The following AKAP3 variants were observed in gnomAD, a reference collection of about 807,000 sequenced individuals.
AKAP3 encodes A-kinase anchoring protein 3, also known as A-kinase anchor protein 3.
A neutral mutation model predicts 57.2 loss-of-function variants in AKAP3; 27 were observed. The ratio of observed to expected loss-of-function variants is 0.47; its 90% CI spans 0.35 to 0.65. AKAP3 has a LOEUF of 0.65. Ranked by LOEUF, AKAP3 falls within the 30% of genes least tolerant of loss-of-function variation. The pLI is 0.01. For synonymous variants in AKAP3, 334 were observed against 392.3 expected, an observed-to-expected ratio of 0.85 and a Z score of 1.76; for missense variants, 959 against 1,040.0, an observed-to-expected ratio of 0.92 and a Z score of 1.07.
chr12:4,648,321 G>C (rs745319899), intron 1 of AKAP3: 1 of 152,178 alleles, frequency 6.6e-6, no homozygotes, highest in Admixed American at 6.5e-5. Context: ...TAATATTTCA[G>C]GAAGTTCACA....
chr12:4,641,683 G>T (rs2137449441), intron 3 of AKAP3, among the ~76,000 whole-genome samples: 1 of 152,256 alleles, frequency 6.6e-6, no homozygotes, highest in African/African-American at 2.4e-5. Flanking sequence ...CCAAAGAATT[G>T]GAAGACTTGG....
In AKAP3 at chr12:4,627,822, T is replaced by C. The variant is rs369154577; in HGVS notation, c.1080A>G (p.Arg360=). Residue 360 remains arginine, a synonymous_variant, in exon 5 of 6, where the codon AGA becomes AGG. Transcript: ENST00000228850. ...TTTGGCTTCCATGAGAGAAGACAGTTCTTTTCACAGCCGAGACAAACTGTG... is the reference window on the plus strand; with the variant it reads ...TTTGGCTTCCATGAGAGAAGACAGTCCTTTTCACAGCCGAGACAAACTGTG... The part of the protein sequence containing the change: ...TDTQFVSAVK[R]TVFSHGSQKA... The C allele has an allele frequency of 1.5e-5, 25 of 1,614,048 alleles. No homozygotes were observed. The highest frequency in any genetic ancestry group is 1.9e-5 in the Non-Finnish European group (23 of 1,180,038).
At chr12:4,638,077 G>GT in intron 4 of AKAP3, 24 bp downstream of exon 4, 1 of 1,553,354 alleles carries the variant, frequency 6.4e-7, no homozygotes, top group Admixed American at 1.7e-5. Context: ...TTAACCTAGT[G>GT]TTTATCAAGA....
intron 4 of AKAP3, among the ~76,000 whole-genome samples, chr12:4,633,965 A>G (rs1228686089): frequency 8.3e-6 from 1 of 120,706 alleles, no homozygotes; most frequent in African/African-American, 4.0e-5. Context: ...TGACATATCT[A>G]TATTCTTTTT....
chr12:4,625,963 G>A lies in AKAP3; in HGVS notation c.2406+533C>T, dbSNP rs922520314. 6.6e-6 allele frequency among the ~76,000 whole-genome samples: 1 copy of A among 152,050 alleles called. No homozygotes were observed. Among genetic ancestry groups the A allele is most frequent in the African/African-American group, 2.4e-5 (1 of 41,398 alleles). Reference sequence around the variant, plus strand: ...GATTTCCCATCTACCTTATGCTTTAGTCTTACTTGTCAACTGATTCAGAGC... The same window carrying A: ...GATTTCCCATCTACCTTATGCTTTAATCTTACTTGTCAACTGATTCAGAGC... On this transcript the variant is annotated intron_variant, in intron 5 of 5. Coordinates refer to ENST00000228850, the MANE Select transcript of AKAP3 (RefSeq NM_001278309.2). The surrounding 1 kb of genome is among the most constrained non-coding windows in gnomAD (Gnocchi z 5.4).
intron 4 of AKAP3, among the ~76,000 whole-genome samples, chr12:4,630,539 G>A (rs977368297): frequency 2.6e-5 from 4 of 152,298 alleles, no homozygotes; most frequent in East Asian, 1.9e-4. Context: ...TTATCATGTC[G>A]GAGTTAAGAT....
intron 4 of AKAP3, among the ~76,000 whole-genome samples, chr12:4,636,948 G>C (rs1329571540): frequency 1.3e-5 from 2 of 151,926 alleles, no homozygotes; most frequent in African/African-American, 2.4e-5. Flanking sequence ...GTTTTGCCGT[G>C]TTGCCTGGGC....
chr12:4,617,169 T>C (rs1426041339), intron 5 of AKAP3, among the ~76,000 whole-genome samples: 2 of 152,160 alleles, frequency 1.3e-5, no homozygotes, highest in African/African-American at 2.4e-5. Context: ...CAGAAGAAAG[T>C]GTCACGTCTT....
chr12:4,641,743 A>C (rs77425851), intron 3 of AKAP3, among the ~76,000 whole-genome samples, 156 bp downstream of exon 3: 3,474 of 152,318 alleles, frequency 0.023, 50 homozygotes, highest in Non-Finnish European at 0.027. Flanking sequence ...CCAGAAACAC[A>C]ATCTCTTAAT....
chr12:4,618,525 G>A (rs1250115545), intron 5 of AKAP3, among the ~76,000 whole-genome samples: 5 of 152,170 alleles, frequency 3.3e-5, no homozygotes, highest in Non-Finnish European at 7.3e-5. Context: ...GCAAAAACAA[G>A]GAGAAAATCT....
At chr12:4,621,728 C>T (rs1945350138) in intron 5 of AKAP3, among the ~76,000 whole-genome samples, 1 of 152,048 alleles carries the variant, frequency 6.6e-6, no homozygotes, top group African/African-American at 2.4e-5. Context: ...AGAGCATATC[C>T]CCATGACTAA....
chr12:4,627,259 C>T lies in AKAP3; in HGVS notation c.1643G>A (p.Arg548Gln), dbSNP rs1203259746. Residue 548 changes from arginine (R) to glutamine (Q), a missense_variant, in exon 5 of 6, where the codon CGG becomes CAG. By Grantham distance (43) the Arg-to-Gln change is conservative. Coordinates refer to ENST00000228850, the MANE Select transcript of AKAP3 (RefSeq NM_001278309.2). ...GGTGCCAGCAGCTTCAACGAAGCTC[C>T]GTGCATCCCTTCTTCCTCCCTGGGC... ...HLAQGGRRDA[R>Q]SFVEAAGTTN... 15 of 1,613,960 alleles carry T rather than the reference C, an allele frequency of 9.3e-6. No homozygotes were observed. The highest frequency in any genetic ancestry group is 1.7e-4 in the Middle Eastern group (1 of 6,060).
At chr12:4,642,559 C>A (rs527611497) in intron 2 of AKAP3, among the ~76,000 whole-genome samples, 2 of 152,320 alleles carry the variant, frequency 1.3e-5, no homozygotes, top group South Asian at 2.1e-4. Flanking sequence ...CCCAGCCCCC[C>A]AGTAATGGCT....
At chr12:4,647,073 G>A (rs924905069) in intron 1 of AKAP3, among the ~76,000 whole-genome samples, 4 of 151,998 alleles carry the variant, frequency 2.6e-5, no homozygotes, top group East Asian at 3.9e-4. Context: ...ATGAGCCACC[G>A]CACCTGGCCT....
chr12:4,634,570 T>C (rs1945540688), intron 4 of AKAP3, among the ~76,000 whole-genome samples: 1 of 152,178 alleles, frequency 6.6e-6, no homozygotes, highest in African/African-American at 2.4e-5. Context: ...ACAAAACCTA[T>C]GTAATGGCCA....
intron 3 of AKAP3, among the ~76,000 whole-genome samples, chr12:4,639,500 G>A (rs1177331141): frequency 3.9e-5 from 6 of 151,906 alleles, no homozygotes; most frequent in South Asian, 4.2e-4. Context: ...ATATGTATAC[G>A]TGTGCTGTCT....
intron 2 of AKAP3, among the ~76,000 whole-genome samples, chr12:4,644,666 C>G (rs1945677145): frequency 6.6e-6 from 1 of 152,228 alleles, no homozygotes; most frequent in Non-Finnish European, 1.5e-5. Flanking sequence ...AATCCCATTA[C>G]TTTGGGAGGC....
At position 4,640,082 on chromosome 12, in the gene AKAP3, C is replaced by G. The variant is rs143918078; in HGVS notation, c.-1+1817G>C. ...CCACCCGCCTCGGCCTCCCAAAGTGCTGGGATTACAGGCATGAGCCACCGT... is the reference window on the plus strand; with the variant it reads ...CCACCCGCCTCGGCCTCCCAAAGTGGTGGGATTACAGGCATGAGCCACCGT... On this transcript the variant is annotated intron_variant, in intron 3 of 5. Transcript: ENST00000228850. 3.9e-3 allele frequency among the ~76,000 whole-genome samples: 589 copies of G among 152,294 alleles called. 9 individuals are homozygous for G. The highest frequency in any genetic ancestry group is 0.023 in the East Asian group (117 of 5,174).
At position 4,638,118 on chromosome 12, in the gene AKAP3, C is replaced by A; in HGVS notation, c.79G>T (p.Ala27Ser). ...VDVYSPGDNQAQDWKMDTSTD... is the reference protein window; with the variant it reads ...VDVYSPGDNQSQDWKMDTSTD... ...ACCCTTACCATTTTCCAGTCCTGGGCTTGGTTGTCTCCAGGAGAATAGACA... is the reference window on the plus strand; with the variant it reads ...ACCCTTACCATTTTCCAGTCCTGGGATTGGTTGTCTCCAGGAGAATAGACA... The change falls in exon 4 of 6, where the codon GCC (alanine) becomes TCC (serine). Residue 27 changes from alanine to serine, a missense_variant. By Grantham distance (99) the Ala-to-Ser change is moderately conservative. Transcript: ENST00000228850. 1 of 1,613,506 alleles carries A rather than the reference C, an allele frequency of 6.2e-7. No individual in the cohort carries two copies. The highest frequency in any genetic ancestry group is 1.1e-5 in the South Asian group (1 of 91,072).
Sources: allele counts gnomAD v4.1 joint callset (sites outside exome capture counted in the v4.1 genomes callset), GRCh38; gene constraint gnomAD v4.1.1; non-coding constraint Gnocchi (gnomAD v3.1); transcripts MANE v1.5; gene names NCBI Gene and HGNC (gene_info 2026-07-23, HGNC 2026-07-21).